Variants in SLC10A7 observed in about 807,000 individuals in gnomAD.
SLC10A7 encodes solute carrier family 10 member 7.
Under a neutral mutation model 43.2 loss-of-function variants are expected in SLC10A7, and 29 were observed. The ratio of observed to expected loss-of-function variants is 0.67; its 90% confidence interval spans 0.50 to 0.92. SLC10A7 has a LOEUF of 0.92. SLC10A7 is among the 40% of genes least tolerant of loss of function. The pLI is 0.00. For missense variants in SLC10A7, 295 were observed against 403.2 expected (o/e 0.73, Z 2.30); for synonymous variants, 152 against 144.8 (o/e 1.05, Z -0.35).
At chr4:146,304,356 T>C (rs556793765) in intron 7 of SLC10A7, among the ~76,000 whole-genome samples, 1 of 151,934 alleles carries the variant, frequency 6.6e-6, no homozygotes, top group African/African-American at 2.4e-5. Context: ...AGTTGCAGAA[T>C]AAGGTAAAGA....
intron 6 of SLC10A7, among the ~76,000 whole-genome samples, chr4:146,307,234 T>C (rs905697851): frequency 3.3e-4 from 50 of 152,180 alleles, no homozygotes; most frequent in African/African-American, 1.2e-3. Context: ...TGGCCCATCA[T>C]TGGCCCTGTG....
intron 9 of SLC10A7, among the ~76,000 whole-genome samples, chr4:146,289,016 G>C (rs934146324): frequency 6.6e-6 from 1 of 152,168 alleles, no homozygotes; most frequent in African/African-American, 2.4e-5. Flanking sequence ...GAACAGAAAA[G>C]GTCCTTTGAG....
chr4:146,260,999 C>T (rs1334122616), intron 10 of SLC10A7, among the ~76,000 whole-genome samples: 3 of 152,184 alleles, frequency 2.0e-5, no homozygotes, highest in African/African-American at 4.8e-5. Flanking sequence ...CTTTGATCCT[C>T]AAGAAGCTGA....
At chr4:146,317,007 G>A (rs1325971453) in intron 6 of SLC10A7, among the ~76,000 whole-genome samples, 1 of 151,996 alleles carries the variant, frequency 6.6e-6, no homozygotes, top group Non-Finnish European at 1.5e-5. Flanking sequence ...AGGCTGAGAA[G>A]GGTTAAAGAA....
chr4:146,284,610 A>G (rs1208601542), intron 9 of SLC10A7, among the ~76,000 whole-genome samples: 1 of 152,154 alleles, frequency 6.6e-6, no homozygotes, highest in African/African-American at 2.4e-5. Flanking sequence ...GTAACTTTCA[A>G]ACTGAATTTT....
intron 9 of SLC10A7, among the ~76,000 whole-genome samples, chr4:146,285,654 T>C (rs1416276749): frequency 6.6e-6 from 1 of 152,198 alleles, no homozygotes; most frequent in African/African-American, 2.4e-5. Context: ...ATTTTGAGTA[T>C]ATGGAACCAA....
chr4:146,456,753 G>T (rs779315755), intron 4 of SLC10A7, among the ~76,000 whole-genome samples: 5 of 151,846 alleles, frequency 3.3e-5, no homozygotes, highest in Non-Finnish European at 7.4e-5. Context: ...CGGATCACAT[G>T]ATTGAATTCA....
intron 5 of SLC10A7, among the ~76,000 whole-genome samples, chr4:146,349,861 G>A (rs761018229): frequency 2.0e-5 from 3 of 152,112 alleles, no homozygotes; most frequent in Non-Finnish European, 4.4e-5. Context: ...AGGGAGGCAA[G>A]GGTTGAAAAC....
chr4:146,400,439 G>A (rs753997032), intron 5 of SLC10A7, among the ~76,000 whole-genome samples: 1 of 152,136 alleles, frequency 6.6e-6, no homozygotes, highest in Non-Finnish European at 1.5e-5. Context: ...ATAAGAGCAC[G>A]ATCCAGTAGA....
chr4:146,490,631 A>C (rs752525029), intron 4 of SLC10A7, among the ~76,000 whole-genome samples: 1 of 152,200 alleles, frequency 6.6e-6, no homozygotes, highest in African/African-American at 2.4e-5. Context: ...TCCACATTTG[A>C]AGAATCGGTA....
chr4:146,504,069 C>A, intron 3 of SLC10A7, 145 bp from the exon 4 acceptor site: 1 of 715,446 alleles, frequency 1.4e-6, no homozygotes, highest in South Asian at 1.7e-5. Flanking sequence ...TTAGACAAGT[C>A]TACACAAGGC....
intron 5 of SLC10A7, among the ~76,000 whole-genome samples, chr4:146,413,296 T>C (rs1277705913): frequency 6.6e-6 from 1 of 152,116 alleles, no homozygotes; most frequent in African/African-American, 2.4e-5. Context: ...CTTTAGCTTG[T>C]TTTTTAAAAA....
intron 6 of SLC10A7, among the ~76,000 whole-genome samples, chr4:146,317,873 C>T (rs1474958077): frequency 6.6e-6 from 1 of 151,982 alleles, no homozygotes; most frequent in South Asian, 2.1e-4. Flanking sequence ...GTCCTTTGGC[C>T]TTGGACTGAA....
intron 2 of SLC10A7, among the ~76,000 whole-genome samples, chr4:146,513,459 G>A (rs1447203906): frequency 1.3e-5 from 2 of 152,068 alleles, no homozygotes; most frequent in Non-Finnish European, 2.9e-5. Context: ...GTTAATACTA[G>A]TCATTTTCAA....
intron 4 of SLC10A7, among the ~76,000 whole-genome samples, chr4:146,481,684 C>T (rs1002582092): frequency 2.2e-4 from 33 of 152,168 alleles, no homozygotes; most frequent in African/African-American, 8.0e-4. Context: ...TGCTTCAGAG[C>T]AACGGACCCC....
chr4:146,292,240 C>G (rs924135255), intron 9 of SLC10A7, among the ~76,000 whole-genome samples: 1 of 152,098 alleles, frequency 6.6e-6, no homozygotes, highest in African/African-American at 2.4e-5. Context: ...ACCAGAGAGC[C>G]ATGATCAGAA....
At chr4:146,427,326 C>A (rs760872823) in intron 5 of SLC10A7, among the ~76,000 whole-genome samples, 7 of 152,128 alleles carry the variant, frequency 4.6e-5, no homozygotes, top group Non-Finnish European at 8.8e-5. Context: ...CACACACACA[C>A]AAAAGAAAGA....
intron 7 of SLC10A7, among the ~76,000 whole-genome samples, chr4:146,296,813 G>C (rs1470705351): frequency 1.3e-5 from 2 of 152,168 alleles, no homozygotes; most frequent in Admixed American, 1.3e-4. Context: ...ACTGGGTGAA[G>C]TAGTGTTGAC....
intron 9 of SLC10A7, among the ~76,000 whole-genome samples, chr4:146,290,648 C>T (rs896829858): frequency 1.3e-5 from 2 of 151,920 alleles, no homozygotes; most frequent in Non-Finnish European, 2.9e-5. Flanking sequence ...TCACTTGAGG[C>T]CAGGAGTTTA....
Sources: gnomAD v4.1 joint callset for allele counts (sites outside exome capture counted in the v4.1 genomes callset) on GRCh38, gnomAD v4.1.1 for gene constraint, MANE v1.5 for transcripts, NCBI Gene and HGNC (gene_info 2026-07-23, HGNC 2026-07-21) for gene names.